The following MTSS1 variants were observed in gnomAD, a reference collection of about 807,000 sequenced individuals.
MTSS1 encodes the protein protein MTSS 1.
Under a neutral mutation model 79.0 loss-of-function variants are expected in MTSS1, and 18 were observed. That is an observed-to-expected ratio of 0.23 (90% CI 0.16 to 0.34). The LOEUF (loss-of-function observed/expected upper bound fraction) is 0.34, where lower values mean the gene tolerates loss of function less well. MTSS1 is among the 10% of genes least tolerant of loss of function. The probability of loss-of-function intolerance (pLI) is 1.00; values close to 1 mark genes in which losing one functional copy is unlikely to be tolerated. For synonymous variants in MTSS1, 341 were observed against 368.6 expected (o/e 0.93, Z 0.86); for missense variants, 815 against 986.2 (o/e 0.83, Z 2.33).
chr8:124,591,341 A>T, intron 3 of MTSS1, 106 bp from the exon 4 acceptor site: 4 of 875,870 alleles, frequency 4.6e-6, no homozygotes, highest in South Asian at 4.3e-5. Flanking sequence ...ATTGTAAAAT[A>T]TAAGCCACCA....
rs137897279 is a variant in MTSS1 at position 124,716,150 on chromosome 8, G to A, written c.72+11734C>T. ...CTAGCAGTAAAGCTGATGTGGAACT[G>A]CAGATCCCAAAGCCCCAAGGGCAGC... On this transcript the variant is annotated intron_variant, in intron 1 of 13. Transcript: ENST00000518547. Among the ~76,000 whole-genome samples, 1,028 of 152,184 alleles carry A rather than the reference G, an allele frequency of 6.8e-3. 9 individuals carry two copies. The highest frequency in any genetic ancestry group is 0.024 in the Middle Eastern group (7 of 294).
chr8:124,678,487 C>T (rs1481855845), intron 3 of MTSS1, among the ~76,000 whole-genome samples: 1 of 152,180 alleles, frequency 6.6e-6, no homozygotes, highest in Non-Finnish European at 1.5e-5. Context: ...GCCTTGCAAT[C>T]ATGGCAGAAG....
intron 3 of MTSS1, among the ~76,000 whole-genome samples, chr8:124,593,000 G>A (rs918946390): frequency 2.0e-5 from 3 of 152,212 alleles, no homozygotes; most frequent in Admixed American, 6.5e-5. Flanking sequence ...AGTGTTGCCC[G>A]AATCTGACTT....
rs569960496 is a variant in MTSS1, at chr8:124,629,064, A to G, written c.209-37829T>C. Among the ~76,000 whole-genome samples the G allele has an allele frequency of 2.0e-5, 3 of 152,340 alleles. No individual in the cohort carries two copies. In the South Asian group the frequency reaches 6.2e-4, roughly 32 times the overall value. On this transcript the variant is annotated intron_variant, in intron 3 of 13. Coordinates refer to ENST00000518547, the MANE Select transcript of MTSS1 (RefSeq NM_014751.6). ...TGCTGGGCACTCATGAGCCAGGCCTAGGCCTAAGCTCTGTGTACACATTCA... is the reference window on the plus strand; with the variant it reads ...TGCTGGGCACTCATGAGCCAGGCCTGGGCCTAAGCTCTGTGTACACATTCA...
At chr8:124,607,829 G>A (rs932110787) in intron 3 of MTSS1, among the ~76,000 whole-genome samples, 3 of 152,078 alleles carry the variant, frequency 2.0e-5, no homozygotes, top group Non-Finnish European at 2.9e-5. Context: ...TATAAAGCCC[G>A]ATAAAAATGA....
At chr8:124,693,590 C>A (rs1283694132) in intron 3 of MTSS1, among the ~76,000 whole-genome samples, 1 of 152,212 alleles carries the variant, frequency 6.6e-6, no homozygotes, top group East Asian at 1.9e-4. Flanking sequence ...TCCAGACTCA[C>A]TGATTAAAGC....
chr8:124,718,528 G>C (rs1028021133), intron 1 of MTSS1, among the ~76,000 whole-genome samples: 1 of 152,030 alleles, frequency 6.6e-6, no homozygotes, highest in African/African-American at 2.4e-5. Context: ...GCTGCCGAGC[G>C]GGCTTTGAAG....
chr8:124,695,761 A>G (rs1357794150), intron 3 of MTSS1, among the ~76,000 whole-genome samples: 2 of 152,200 alleles, frequency 1.3e-5, no homozygotes, highest in Non-Finnish European at 2.9e-5. Flanking sequence ...TATACTATGC[A>G]GTAAAAAGCA....
At chr8:124,721,555 G>A (rs1476365089) in intron 1 of MTSS1, among the ~76,000 whole-genome samples, 1 of 151,936 alleles carries the variant, frequency 6.6e-6, no homozygotes, top group Admixed American at 6.6e-5. Flanking sequence ...GACTAGAGGT[G>A]TGCGTGATCA....
At chr8:124,559,172 T>C (rs948831677) in intron 10 of MTSS1, among the ~76,000 whole-genome samples, 1 of 152,210 alleles carries the variant, frequency 6.6e-6, no homozygotes, top group Admixed American at 6.5e-5. Flanking sequence ...TATCTGGTCA[T>C]GGCATTGGGA....
intron 10 of MTSS1, chr8:124,558,587 A>C (rs1309953690): frequency 7.6e-7 from 1 of 1,323,270 alleles, no homozygotes; most frequent in African/African-American, 1.5e-5. Context: ...CTCTGTCCCC[A>C]AGAGGAGCCC....
chr8:124,659,276 G>T (rs1821560986), intron 3 of MTSS1, among the ~76,000 whole-genome samples: 1 of 152,080 alleles, frequency 6.6e-6, no homozygotes, highest in South Asian at 2.1e-4. Flanking sequence ...TAGCTAAATG[G>T]TATCAATTAC....
intron 6 of MTSS1, among the ~76,000 whole-genome samples, chr8:124,576,684 G>A (rs905948929): frequency 2.0e-4 from 30 of 152,190 alleles, no homozygotes; most frequent in Admixed American, 3.9e-4. Flanking sequence ...GGCACCAGGC[G>A]TGAATCAATT....
chr8:124,594,349 G>A (rs973299045), intron 3 of MTSS1, among the ~76,000 whole-genome samples: 1 of 152,148 alleles, frequency 6.6e-6, no homozygotes, highest in Non-Finnish European at 1.5e-5. Context: ...TGGCCAACAT[G>A]ATGAAACCTC....
In MTSS1 at chr8:124,582,520, T is replaced by A. The variant is rs1830216406; in HGVS notation, c.460+2567A>T. Among the ~76,000 whole-genome samples the A allele has an allele frequency of 6.6e-6, 1 of 151,978 alleles. No homozygotes were observed. Among genetic ancestry groups the A allele is most frequent in the African/African-American group, 2.4e-5 (1 of 41,394 alleles). ...GAATTTTTAGATCAAAGATCAGAGT[T>A]TTTGAAAAAGGCATGGCAGGAAGCT... On this transcript the variant is annotated intron_variant, in intron 6 of 13. Transcript: ENST00000518547. The surrounding 1 kb of genome is among the most constrained non-coding windows in gnomAD (Gnocchi z 4.8).
rs1829866211 is a variant in MTSS1 at position 124,580,650 on chromosome 8, C to T, written c.460+4437G>A. 6 of 1,454,592 alleles carry T rather than the reference C, an allele frequency of 4.1e-6. No individual in the cohort carries two copies. The South Asian group carries it at 7.3e-5, about 18-fold the overall frequency. 90.1% of individuals were successfully genotyped at this position (1,454,592 alleles called of 1,614,324 possible). A position where few individuals can be genotyped will look rare whatever the true frequency, so the allele number is the denominator to read the frequency against. ...TAAAGTCAAACTGGTATTCAAGCAG[C>T]AGCAGTCTTACCTTTGTTTCATGTG... On this transcript the variant is annotated intron_variant, in intron 6 of 13. Transcript: ENST00000518547.
Position 124,553,801 on chromosome 8 carries a change from A to C in MTSS1, c.1568-109T>G. 2.0e-4 allele frequency: 186 copies of C among 934,358 alleles called. No homozygotes were observed. Among genetic ancestry groups the C allele is most frequent in the Non-Finnish European group, 2.6e-4 (169 of 638,876 alleles). 57.9% of individuals were successfully genotyped at this position (934,358 alleles called of 1,614,324 possible). A position where few individuals can be genotyped will look rare whatever the true frequency, so the allele number is the denominator to read the frequency against. On this transcript the variant is annotated intron_variant, in intron 13 of 13. Coordinates refer to ENST00000518547, the MANE Select transcript of MTSS1 (RefSeq NM_014751.6). This position sits in a 1 kb window ranked among gnomAD's most constrained non-coding sequence, Gnocchi z 6.0. ...CAAGGCAGGGTACACACACAGTCTC[A>C]TCCCAAGCTTCCCCCAGGCTTCTCT...
At position 124,705,411 on chromosome 8, in the gene MTSS1, C is replaced by T. The variant is rs183091019; in HGVS notation, c.73-1220G>A. On this transcript the variant is annotated intron_variant, in intron 1 of 13. Coordinates refer to ENST00000518547, the MANE Select transcript of MTSS1 (RefSeq NM_014751.6). ...ACTTGAGCCTGGGAGATGGAGGTTA[C>T]GGTGAGCTGAGATCGCACCACTGCA... Among the ~76,000 whole-genome samples, 221 of 152,226 alleles carry T rather than the reference C, an allele frequency of 1.5e-3. 1 individual carries two copies. The highest frequency in any genetic ancestry group is 5.2e-3 in the African/African-American group (214 of 41,514).
At chr8:124,626,880 C>T (rs894288352) in intron 3 of MTSS1, among the ~76,000 whole-genome samples, 16 of 152,116 alleles carry the variant, frequency 1.1e-4, no homozygotes, top group Admixed American at 2.0e-4. Flanking sequence ...GCCTGATATA[C>T]GCTGCCCCAA....
Sources: gnomAD v4.1 joint callset for allele counts (sites outside exome capture counted in the v4.1 genomes callset) on GRCh38, gnomAD v4.1.1 for gene constraint, Gnocchi (gnomAD v3.1) non-coding constraint, MANE v1.5 for transcripts, NCBI Gene and HGNC (gene_info 2026-07-23, HGNC 2026-07-21) for gene names.